XIRP2: variants seen among roughly 807,000 people sequenced by gnomAD.
XIRP2 encodes the protein xin actin binding repeat containing 2.
XIRP2 carries 236 observed loss-of-function variants against 277.0 expected under a neutral mutation model. The observed-to-expected ratio is 0.85, with a 90% CI of 0.77 to 0.95. The LOEUF (loss-of-function observed/expected upper bound fraction) is 0.95. Among genes scored for constraint, XIRP2 ranks in the 40% least tolerant of loss-of-function variants. XIRP2 has a pLI of 0.00. For synonymous variants in XIRP2, 1,490 were observed against 1,416.5 expected, an observed-to-expected ratio of 1.05 and a Z score of -1.17; for missense variants, 4,640 against 4,157.5, an observed-to-expected ratio of 1.12 and a Z score of -3.19.
rs773107734 is a variant in XIRP2 at position 167,250,780 on chromosome 2, GC to G, written c.9391del (p.Arg3131AspfsTer78). On this transcript the variant is annotated frameshift_variant, in exon 9 of 11. Coordinates refer to ENST00000409195, the MANE Select transcript of XIRP2 (RefSeq NM_152381.6). LOFTEE classifies it high-confidence loss of function. ...AACTTTTATCACAATAGAATCTACT[GC>G]CCGACGAACAGAAAACCCTACTAAG... The part of the protein sequence containing the change: ...SPTFITIEST[A>X]RRTENPTKNE... 6.2e-7 allele frequency: 1 copy of G among 1,613,080 alleles called. No homozygotes were observed. Among genetic ancestry groups the G allele is most frequent in the South Asian group, 1.1e-5 (1 of 91,006 alleles).
In XIRP2 at chr2:167,250,658, A is replaced by G; in HGVS notation, c.9266A>G (p.Glu3089Gly). The G allele has an allele frequency of 6.2e-7, 1 of 1,613,570 alleles. No homozygotes were observed. Among genetic ancestry groups the G allele is most frequent in the Non-Finnish European group, 8.5e-7 (1 of 1,179,696 alleles). ...TVQHQVAAHHEATVRSHVKTH... is the reference protein window; with the variant it reads ...TVQHQVAAHHGATVRSHVKTH... The stretch of plus-strand genomic sequence containing the variant: ...CAGCACCAAGTAGCAGCTCATCATG[A>G]AGCAACTGTTCGTAGTCACGTGAAA... Residue 3089 changes from glutamate to glycine, a missense_variant, in exon 9 of 11, where the codon GAA becomes GGA. Coordinates refer to ENST00000409195, the MANE Select transcript of XIRP2 (RefSeq NM_152381.6).
At chr2:167,257,776 C>T (rs1695701423) in intron 10 of XIRP2, 81 bp from the exon 11 acceptor site, 4 of 1,402,754 alleles carry the variant, frequency 2.9e-6, no homozygotes, top group Admixed American at 2.4e-5. Flanking sequence ...TAGTCTGTAA[C>T]TCATTGAAAT....
intron 2 of XIRP2, among the ~76,000 whole-genome samples, chr2:166,989,137 C>T (rs1209205432): frequency 1.8e-5 from 2 of 114,206 alleles, no homozygotes; most frequent in Non-Finnish European, 3.4e-5. Context: ...CAGACTGCCT[C>T]CTCAAGTGGG....
chr2:166,985,880 G>A (rs1686991629), intron 2 of XIRP2, among the ~76,000 whole-genome samples: 1 of 152,112 alleles, frequency 6.6e-6, no homozygotes, highest in Admixed American at 6.5e-5. Context: ...CCTAAAATCA[G>A]GTGATCTCCT....
At chr2:167,182,421 C>T (rs535569060) in intron 3 of XIRP2, among the ~76,000 whole-genome samples, 3 of 152,192 alleles carry the variant, frequency 2.0e-5, no homozygotes, top group African/African-American at 7.2e-5. Context: ...GTTCGCTTTG[C>T]TACCATGCAG....
In XIRP2 at chr2:167,030,093, T is replaced by G. The variant is rs1358562344; in HGVS notation, c.409-105816T>G. Among the ~76,000 whole-genome samples the G allele has an allele frequency of 3.9e-5, 6 of 152,242 alleles. No individual in the cohort carries two copies. The South Asian group carries it at 1.2e-3, about 32-fold the overall frequency. On this transcript the variant is annotated intron_variant, in intron 2 of 10. Coordinates refer to ENST00000409195, the MANE Select transcript of XIRP2 (RefSeq NM_152381.6). ...ATCATTTTTTATTATGTCTATTTGA[T>G]TCTTCCCTCTTTTATTCTTTATTAG...
chr2:166,917,781 T>G (rs73024331), intron 2 of XIRP2, among the ~76,000 whole-genome samples: 4,875 of 152,274 alleles, frequency 0.032, 252 homozygotes, highest in African/African-American at 0.11. Flanking sequence ...ATATTGATAC[T>G]AGCTCTACTG....
In XIRP2 at chr2:166,896,231, T is replaced by G. The variant is rs373353095; in HGVS notation, c.-18-7234T>G. Among the ~76,000 whole-genome samples, 9 of 152,286 alleles carry G rather than the reference T, an allele frequency of 5.9e-5. No homozygotes were observed. In the East Asian group the frequency reaches 1.5e-3, roughly 26 times the overall value. On this transcript the variant is annotated intron_variant, in intron 1 of 10. Coordinates refer to ENST00000409195, the MANE Select transcript of XIRP2 (RefSeq NM_152381.6). ...TTATAATTGTTATTTTAGAGCATACTTTTTCTAAAAATATAAAAGATATAT... is the reference window on the plus strand; with the variant it reads ...TTATAATTGTTATTTTAGAGCATACGTTTTCTAAAAATATAAAAGATATAT...
At chr2:166,985,750 A>T (rs1208489600) in intron 2 of XIRP2, among the ~76,000 whole-genome samples, 1 of 152,104 alleles carries the variant, frequency 6.6e-6, no homozygotes, top group East Asian at 1.9e-4. Flanking sequence ...TCTAACAATT[A>T]TTCTTAGTGT....
intron 2 of XIRP2, among the ~76,000 whole-genome samples, chr2:167,004,641 G>A (rs977468372): frequency 6.6e-6 from 1 of 151,862 alleles, no homozygotes; most frequent in Non-Finnish European, 1.5e-5. Context: ...TAGAGGACCG[G>A]AAGCTATTTC....
chr2:166,934,195 C>CAAAAAAAAAA (rs750753001), intron 2 of XIRP2, among the ~76,000 whole-genome samples: 1 of 71,568 alleles, frequency 1.4e-5, no homozygotes, highest in African/African-American at 4.7e-5. Context: ...AAATCAACAG[C>CAAAAAAAAAA]AAAAAAAAAA....
At chr2:166,899,108 G>A (rs1684313915) in intron 1 of XIRP2, among the ~76,000 whole-genome samples, 1 of 151,988 alleles carries the variant, frequency 6.6e-6, no homozygotes, top group Admixed American at 6.6e-5. Flanking sequence ...CTTTCTATGA[G>A]TTACTTAAAT....
At chr2:167,240,390 G>A (rs115038631) in intron 6 of XIRP2, among the ~76,000 whole-genome samples, 3 of 152,204 alleles carry the variant, frequency 2.0e-5, no homozygotes, top group Non-Finnish European at 2.9e-5. Context: ...ACTCCAGCCC[G>A]GGTGACAGTG....
intron 3 of XIRP2, among the ~76,000 whole-genome samples, chr2:167,155,043 C>A (rs1339916236): frequency 6.6e-6 from 1 of 151,596 alleles, no homozygotes; most frequent in Admixed American, 6.6e-5. Context: ...AAGACTAAAC[C>A]AGGAAGAAGT....
chr2:166,892,095 C>A (rs1684119863), intron 1 of XIRP2, among the ~76,000 whole-genome samples: 2 of 152,052 alleles, frequency 1.3e-5, no homozygotes, highest in South Asian at 2.1e-4. Context: ...AATATTTTCC[C>A]CCTTCAGACA....
chr2:167,210,766 A>G lies in XIRP2; in HGVS notation c.594A>G (p.Gly198=). 2 of 1,614,178 alleles carry G rather than the reference A, an allele frequency of 1.2e-6. No homozygotes were observed. The highest frequency in any genetic ancestry group is 1.7e-6 in the Non-Finnish European group (2 of 1,180,020). ...ATAGPNKPES[G]FAEDSAARGE... ...CTGGCCCTAATAAGCCTGAGAGTGG[A>G]TTTGCAGAAGACAGTGCTGCTCGGG... The change falls in exon 4 of 11, where the codon GGA becomes GGG. Residue 198 remains glycine (G), a synonymous_variant. Coordinates refer to ENST00000409195, the MANE Select transcript of XIRP2 (RefSeq NM_152381.6).
chr2:167,119,374 G>T (rs914865244), intron 2 of XIRP2, among the ~76,000 whole-genome samples: 16 of 152,270 alleles, frequency 1.1e-4, no homozygotes, highest in East Asian at 7.7e-4. Context: ...CAAATGTAAA[G>T]TCAAAGATTT....
At chr2:166,950,619 C>G (rs1686001426) in intron 2 of XIRP2, among the ~76,000 whole-genome samples, 1 of 152,048 alleles carries the variant, frequency 6.6e-6, no homozygotes, top group Non-Finnish European at 1.5e-5. Context: ...ATGTTTTACA[C>G]TACAAGCAAT....
chr2:166,983,313 TGATA>T (rs1385343734), intron 2 of XIRP2, among the ~76,000 whole-genome samples: 1 of 152,154 alleles, frequency 6.6e-6, no homozygotes, highest in East Asian at 1.9e-4. Context: ...GTGATTGTTT[TGATA>T]GATTATATTT....
Sources: allele counts gnomAD v4.1 joint callset (sites outside exome capture counted in the v4.1 genomes callset), GRCh38; gene constraint gnomAD v4.1.1; transcripts MANE v1.5; gene names NCBI Gene and HGNC (gene_info 2026-07-23, HGNC 2026-07-21).